Variants in RXFP1 observed in about 807,000 individuals in gnomAD.
RXFP1 encodes relaxin receptor 1.
RXFP1 carries 73 observed loss-of-function variants against 89.8 expected under a neutral mutation model. That is an observed-to-expected ratio of 0.81 (90% CI 0.67 to 0.99). The LOEUF (loss-of-function observed/expected upper bound fraction) is 0.99, where lower values mean the gene tolerates loss of function less well. RXFP1 is among the 50% of genes least tolerant of loss of function. The pLI is 0.00. For missense variants in RXFP1, 793 were observed against 895.5 expected, an observed-to-expected ratio of 0.89 and a Z score of 1.46; for synonymous variants, 277 against 305.5, an observed-to-expected ratio of 0.91 and a Z score of 0.97.
At chr4:158,626,152 A>ATAGATAGT (rs1554019536) in intron 9 of RXFP1, among the ~76,000 whole-genome samples, 17 of 144,586 alleles carry the variant, frequency 1.2e-4, no homozygotes, top group Non-Finnish European at 2.0e-4. Flanking sequence ...AGATAGATAG[A>ATAGATAGT]TAGATAGATA....
intron 14 of RXFP1, among the ~76,000 whole-genome samples, chr4:158,643,765 C>G (rs1489406122): frequency 6.6e-6 from 1 of 152,002 alleles, no homozygotes; most frequent in Admixed American, 6.6e-5. Flanking sequence ...GCCACTGCTC[C>G]CAGCCCACAT....
chr4:158,620,069 A>G lies in RXFP1; in HGVS notation c.755+2864A>G, dbSNP rs554751511. 8.5e-5 allele frequency among the ~76,000 whole-genome samples: 13 copies of G among 152,348 alleles called. No homozygotes were observed. The South Asian group carries it at 2.5e-3, about 29-fold the overall frequency. On this transcript the variant is annotated intron_variant, in intron 9 of 17. Transcript: ENST00000307765. ...ACAACTTCCAAACAGAGACATTAAA[A>G]TGCTTATGATTAATAAGTTAAGTAA...
intron 1 of RXFP1, among the ~76,000 whole-genome samples, chr4:158,524,659 G>C (rs1742034468): frequency 6.6e-6 from 1 of 152,142 alleles, no homozygotes; most frequent in African/African-American, 2.4e-5. Flanking sequence ...CTAAATTTAT[G>C]TAAGATTAAG....
intron 14 of RXFP1, among the ~76,000 whole-genome samples, chr4:158,640,542 CT>C (rs1436309532): frequency 6.6e-6 from 1 of 152,050 alleles, no homozygotes; most frequent in Non-Finnish European, 1.5e-5. Context: ...GGTGCCAGCT[CT>C]TTTTAACAAT....
At chr4:158,621,714 G>A (rs1025137909) in intron 9 of RXFP1, among the ~76,000 whole-genome samples, 4 of 152,036 alleles carry the variant, frequency 2.6e-5, no homozygotes, top group African/African-American at 4.8e-5. Flanking sequence ...ATATAAGTAG[G>A]CTAAACTCAC....
intron 2 of RXFP1, among the ~76,000 whole-genome samples, chr4:158,583,912 A>G (rs913377936): frequency 1.3e-5 from 2 of 152,202 alleles, no homozygotes; most frequent in Non-Finnish European, 2.9e-5. Flanking sequence ...AGAAAGAGGT[A>G]TATGTATTCT....
Position 158,651,849 on chromosome 4 carries a change from G to A in RXFP1, c.2068G>A (p.Glu690Lys). ...LYTLTTRPFK[E>K]MIHRFWYNYR... is the part of the protein sequence containing the mutation. ...TACTCTGACCACAAGACCATTTAAA[G>A]AAATGATTCATCGGTTTTGGTATAA... Residue 690 changes from glutamate (E) to lysine (K), a missense_variant, in exon 18 of 18, where the codon GAA (glutamate) becomes AAA (lysine). By Grantham distance (56) the Glu-to-Lys change is moderately conservative (BLOSUM62 1). Coordinates refer to ENST00000307765, the MANE Select transcript of RXFP1 (RefSeq NM_021634.4). 2 of 1,614,086 alleles carry A rather than the reference G, an allele frequency of 1.2e-6. No homozygotes were observed. Among genetic ancestry groups the A allele is most frequent in the South Asian group, 1.1e-5 (1 of 91,070 alleles).
intron 1 of RXFP1, among the ~76,000 whole-genome samples, chr4:158,551,985 A>T (rs1371964941): frequency 6.6e-6 from 1 of 152,166 alleles, no homozygotes; most frequent in Non-Finnish European, 1.5e-5. Context: ...ATAAAGACCC[A>T]CTCAAAAAAC....
chr4:158,603,617 C>T (rs1188017624), intron 4 of RXFP1, among the ~76,000 whole-genome samples: 3 of 151,738 alleles, frequency 2.0e-5, no homozygotes, highest in Non-Finnish European at 4.4e-5. Context: ...TACGGACAGG[C>T]GCAGTGGCTC....
At chr4:158,549,024 TG>T (rs1749326596) in intron 1 of RXFP1, among the ~76,000 whole-genome samples, 1 of 151,930 alleles carries the variant, frequency 6.6e-6, no homozygotes, top group Non-Finnish European at 1.5e-5. Flanking sequence ...GAAGTTCTCC[TG>T]GATAATATCC....
In RXFP1 at chr4:158,646,771, T is replaced by C. The variant is rs1280584008; in HGVS notation, c.1346-20T>C. On this transcript the variant is annotated intron_variant, in intron 15 of 17. Coordinates refer to ENST00000307765, the MANE Select transcript of RXFP1 (RefSeq NM_021634.4). The stretch of plus-strand genomic sequence containing the variant: ...ATACCTATTTATTTCTCTAAATTTG[T>C]GAAACTATGACTCCTCTAGGTGCCG... 1 of 1,537,450 alleles carries C rather than the reference T, an allele frequency of 6.5e-7. No individual in the cohort carries two copies. Among genetic ancestry groups the C allele is most frequent in the African/African-American group, 1.4e-5 (1 of 72,088 alleles).
chr4:158,650,033 C>T (rs889950100), intron 17 of RXFP1, among the ~76,000 whole-genome samples: 6 of 152,158 alleles, frequency 3.9e-5, no homozygotes, highest in Admixed American at 1.3e-4. Context: ...GTGGTACATA[C>T]GCACAATGGA....
chr4:158,636,297 T>C (rs1769139603), intron 12 of RXFP1, among the ~76,000 whole-genome samples: 1 of 152,224 alleles, frequency 6.6e-6, no homozygotes, highest in East Asian at 1.9e-4. Context: ...ACTTAAGATT[T>C]ATTGTAAAAT....
intron 1 of RXFP1, among the ~76,000 whole-genome samples, chr4:158,545,236 A>G (rs1206506938): frequency 1.3e-5 from 2 of 152,086 alleles, no homozygotes; most frequent in African/African-American, 4.8e-5. Context: ...TTTTGGCTGC[A>G]TAAATGTCTT....
chr4:158,611,978 G>A, intron 6 of RXFP1, 152 bp from the exon 7 acceptor site: 1 of 618,270 alleles, frequency 1.6e-6, no homozygotes. Context: ...GATAAGGTAA[G>A]TGGTAGCAAT....
intron 4 of RXFP1, among the ~76,000 whole-genome samples, chr4:158,603,145 T>C (rs1761997472): frequency 2.0e-5 from 3 of 152,140 alleles, no homozygotes; most frequent in South Asian, 2.1e-4. Flanking sequence ...AGTCTCACTA[T>C]GTTGCCAAGC....
At chr4:158,637,575 A>T (rs1769445099) in intron 12 of RXFP1, among the ~76,000 whole-genome samples, 1 of 152,094 alleles carries the variant, frequency 6.6e-6, no homozygotes, top group Non-Finnish European at 1.5e-5. Context: ...CCTAATTTTT[A>T]ACCAGCTTAT....
intron 1 of RXFP1, among the ~76,000 whole-genome samples, chr4:158,549,698 A>G (rs1749563775): frequency 6.6e-6 from 1 of 151,992 alleles, no homozygotes; most frequent in African/African-American, 2.4e-5. Flanking sequence ...GGTCTGTTGG[A>G]GTTTGCTAGA....
At chr4:158,612,081 A>G in intron 6 of RXFP1, 49 bp from the exon 7 acceptor site, 1 of 1,417,768 alleles carries the variant, frequency 7.1e-7, no homozygotes, top group Non-Finnish European at 9.7e-7. Flanking sequence ...TTCTTATTGT[A>G]AGACATCAAA....
Sources: gnomAD v4.1 joint callset for allele counts (sites outside exome capture counted in the v4.1 genomes callset) on GRCh38, gnomAD v4.1.1 for gene constraint, MANE v1.5 for transcripts, NCBI Gene and HGNC (gene_info 2026-07-23, HGNC 2026-07-21) for gene names.